ACTR3B: variants seen among roughly 807,000 people sequenced by gnomAD.
ACTR3B encodes the protein actin-related protein 3B.
ACTR3B carries 8 observed loss-of-function variants against 59.0 expected under a neutral mutation model. The ratio of observed to expected loss-of-function variants is 0.14; its 90% CI spans 0.08 to 0.24. ACTR3B has a LOEUF of 0.24. ACTR3B is among the 10% of genes least tolerant of loss of function. ACTR3B has a pLI of 1.00. For synonymous variants in ACTR3B, 148 were observed against 197.9 expected (o/e 0.75, Z 2.12); for missense variants, 245 against 552.3 (o/e 0.44, Z 5.58).
chr7:152,854,416 T>A lies in ACTR3B; in HGVS notation c.1162-42T>A. ...TGGTAGCTGGTTCCCTTGACTTTCT[T>A]CTGAAATGAGTGTCTTTCTGTCTGC... is the stretch of plus-strand genomic sequence containing the variant. On this transcript the variant is annotated intron_variant, in intron 11 of 11. Coordinates refer to ENST00000256001, the MANE Select transcript of ACTR3B (RefSeq NM_020445.6). This position sits in a 1 kb window ranked among gnomAD's most constrained non-coding sequence, Gnocchi z 4.9. The A allele has an allele frequency of 6.3e-7, 1 of 1,582,864 alleles. No individual in the cohort carries two copies. Among genetic ancestry groups the A allele is most frequent in the South Asian group, 1.1e-5 (1 of 90,414 alleles).
At chr7:152,788,984 C>T (rs572649155) in intron 2 of ACTR3B, among the ~76,000 whole-genome samples, 9 of 152,232 alleles carry the variant, frequency 5.9e-5, no homozygotes, top group East Asian at 3.9e-4. Context: ...ATTGCGTCAC[C>T]GCACTCCAGC....
intron 1 of ACTR3B, among the ~76,000 whole-genome samples, chr7:152,764,099 G>A (rs1039385651): frequency 3.3e-5 from 5 of 151,422 alleles, no homozygotes; most frequent in African/African-American, 7.3e-5. Context: ...TCTGCCTCCC[G>A]GGTTCAAGCG....
chr7:152,788,260 T>C (rs2098181226), intron 2 of ACTR3B, among the ~76,000 whole-genome samples: 1 of 151,832 alleles, frequency 6.6e-6, no homozygotes, highest in African/African-American at 2.4e-5. Flanking sequence ...CCGGCCTTGA[T>C]TATTATTTAT....
intron 9 of ACTR3B, among the ~76,000 whole-genome samples, chr7:152,830,810 A>G (rs1485325186): frequency 2.0e-5 from 3 of 152,124 alleles, no homozygotes; most frequent in Non-Finnish European, 2.9e-5. Flanking sequence ...CTCAGCCCCA[A>G]AGCACTGGGA....
At chr7:152,846,429 C>T (rs377330502) in intron 9 of ACTR3B, among the ~76,000 whole-genome samples, 25 of 129,300 alleles carry the variant, frequency 1.9e-4, no homozygotes, top group African/African-American at 6.0e-4. Context: ...CTCTAGTGTC[C>T]GGGCTGTAGT....
chr7:152,842,975 T>C (rs924610836), intron 9 of ACTR3B, among the ~76,000 whole-genome samples: 4 of 152,266 alleles, frequency 2.6e-5, no homozygotes, highest in African/African-American at 9.6e-5. Context: ...CTGTACTTAG[T>C]GGTCATTTGT....
At chr7:152,817,188 C>G (rs985287946) in intron 6 of ACTR3B, among the ~76,000 whole-genome samples, 5 of 152,180 alleles carry the variant, frequency 3.3e-5, no homozygotes, top group African/African-American at 4.8e-5. Context: ...AATTTGAGAC[C>G]TGCCTGACCA....
At chr7:152,835,636 A>G (rs370009084) in intron 9 of ACTR3B, among the ~76,000 whole-genome samples, 5 of 152,274 alleles carry the variant, frequency 3.3e-5, no homozygotes, top group East Asian at 1.9e-4. Flanking sequence ...TTCAGTTGGT[A>G]ACAAACACAT....
intron 10 of ACTR3B, among the ~76,000 whole-genome samples, chr7:152,852,762 T>G (rs1405810509): frequency 6.6e-6 from 1 of 152,008 alleles, no homozygotes; most frequent in African/African-American, 2.4e-5. Context: ...ATCCCACGAG[T>G]CCACTGTTGG....
chr7:152,801,393 T>G (rs1225492069), intron 3 of ACTR3B, among the ~76,000 whole-genome samples: 2 of 152,230 alleles, frequency 1.3e-5, no homozygotes, highest in Non-Finnish European at 2.9e-5. Context: ...TCCGTGTCAT[T>G]GTTAAGGTGA....
At chr7:152,786,316 G>T (rs2098173713) in intron 2 of ACTR3B, 1 of 185,512 alleles carries the variant, frequency 5.4e-6, no homozygotes, top group Admixed American at 6.9e-5. Context: ...ACTTTGGGAG[G>T]CCAAGGTGGG....
At position 152,854,493 on chromosome 7, in the gene ACTR3B, C is replaced by A. The variant is rs1480723499; in HGVS notation, c.1197C>A (p.Asp399Glu). 6.2e-7 allele frequency: 1 copy of A among 1,614,144 alleles called. No homozygotes were observed. The highest frequency in any genetic ancestry group is 1.1e-5 in the South Asian group (1 of 91,084). Reference sequence around the variant, plus strand: ...TTCAGGTCTGCCACACCAAGAAGGACTATGAAGAGTACGGGCCCAGCATCT... The same window carrying A: ...TTCAGGTCTGCCACACCAAGAAGGAATATGAAGAGTACGGGCCCAGCATCT... ...EFFQVCHTKK[D>E]YEEYGPSICR... The change falls in exon 12 of 12, where the codon GAC (aspartate) becomes GAA (glutamate). Residue 399 changes from aspartate to glutamate, a missense_variant. Asp to Glu is a conservative substitution (Grantham distance 45, BLOSUM62 2). Coordinates refer to ENST00000256001, the MANE Select transcript of ACTR3B (RefSeq NM_020445.6). This position sits in a 1 kb window ranked among gnomAD's most constrained non-coding sequence, Gnocchi z 4.9.
At chr7:152,804,133 A>G (rs1325805156) in intron 4 of ACTR3B, among the ~76,000 whole-genome samples, 1 of 152,122 alleles carries the variant, frequency 6.6e-6, no homozygotes, top group Non-Finnish European at 1.5e-5. Flanking sequence ...GACTGTTTTC[A>G]AGGAGGTGCA....
chr7:152,852,733 C>T (rs1302842180), intron 10 of ACTR3B, among the ~76,000 whole-genome samples: 1 of 152,158 alleles, frequency 6.6e-6, no homozygotes, highest in Non-Finnish European at 1.5e-5. Context: ...TCGATAGGGG[C>T]AGTGGGCGCA....
intron 6 of ACTR3B, among the ~76,000 whole-genome samples, chr7:152,817,124 C>G (rs1328342134): frequency 6.6e-6 from 1 of 151,896 alleles, no homozygotes; most frequent in Non-Finnish European, 1.5e-5. Context: ...GTGGCTCACG[C>G]CTGTAATCCC....
chr7:152,849,329 T>TG (rs1321234419), intron 9 of ACTR3B, among the ~76,000 whole-genome samples: 1 of 151,818 alleles, frequency 6.6e-6, no homozygotes, highest in Admixed American at 6.6e-5. Flanking sequence ...AGGAACGGGG[T>TG]GGGGTGGGGG....
At chr7:152,837,616 GA>G (rs1220449399) in intron 9 of ACTR3B, among the ~76,000 whole-genome samples, 2 of 152,370 alleles carry the variant, frequency 1.3e-5, no homozygotes, top group Non-Finnish European at 2.9e-5. Context: ...CTGCTCGGGG[GA>G]CATCTCCTTG....
At chr7:152,763,313 CAAAAAAAAAAA>C (rs925259822) in intron 1 of ACTR3B, among the ~76,000 whole-genome samples, 4 of 20,490 alleles carry the variant, frequency 2.0e-4, no homozygotes, top group Admixed American at 1.9e-3. Flanking sequence ...GACTCCATCT[CAAAAAAAAAAA>C]AAAAAAAAAA....
Position 152,767,434 on chromosome 7 carries a change from C to T in ACTR3B, c.44+7508C>T, listed in dbSNP as rs531845990. 6.9e-4 allele frequency among the ~76,000 whole-genome samples: 105 copies of T among 152,286 alleles called. 5 individuals carry two copies. The South Asian group carries it at 0.02, about 29-fold the overall frequency. On this transcript the variant is annotated intron_variant, in intron 1 of 11. Coordinates refer to ENST00000256001, the MANE Select transcript of ACTR3B (RefSeq NM_020445.6). ...TTTCTAATGGTGCCGGCTTCCCCTGCCCATCTAATTCCTTTTTAGGGCTTT... is the reference window on the plus strand; with the variant it reads ...TTTCTAATGGTGCCGGCTTCCCCTGTCCATCTAATTCCTTTTTAGGGCTTT...
Sources: gnomAD v4.1 joint callset for allele counts (sites outside exome capture counted in the v4.1 genomes callset) on GRCh38, gnomAD v4.1.1 for gene constraint, Gnocchi (gnomAD v3.1) non-coding constraint, MANE v1.5 for transcripts, NCBI Gene and HGNC (gene_info 2026-07-23, HGNC 2026-07-21) for gene names.